The following DENND10 variants were observed in gnomAD, a reference collection of about 807,000 sequenced individuals.
DENND10 encodes the protein DENN domain containing 10, also known as DENN domain-containing protein 10.
In DENND10, 24 loss-of-function variants were observed where a neutral mutation model predicts 43.6. The observed-to-expected ratio is 0.55, with a 90% CI of 0.40 to 0.77. The LOEUF is 0.77. DENND10 is among the 30% of genes least tolerant of loss of function. DENND10 has a pLI of 0.00. For synonymous variants in DENND10, 125 were observed against 157.6 expected (o/e 0.79, Z 1.55); for missense variants, 303 against 429.9 (o/e 0.70, Z 2.61).
chr10:119,136,502 C>T lies in DENND10; in HGVS notation c.929C>T (p.Thr310Ile). The T allele has an allele frequency of 6.2e-7, 1 of 1,602,692 alleles. No homozygotes were observed. Among genetic ancestry groups the T allele is most frequent in the Non-Finnish European group, 8.5e-7 (1 of 1,177,158 alleles). ...DIALKTREIF[T>I]NLAPFSEVSA... is the part of the protein sequence containing the mutation. ...GCTCTAAAAACAAGAGAAATCTTTA[C>T]CAACCTAGCACCGTTTTCAGAAGTT... is the stretch of plus-strand genomic sequence containing the variant. The change falls in exon 9 of 9, where the codon ACC (threonine) becomes ATC (isoleucine). Residue 310 changes from threonine to isoleucine, a missense_variant. By Grantham distance (89) the Thr-to-Ile change is moderately conservative. Coordinates refer to ENST00000361432, the MANE Select transcript of DENND10 (RefSeq NM_207009.4).
At chr10:119,123,684 A>C (rs1589735260) in intron 6 of DENND10, 115 bp downstream of exon 6, 11 of 768,396 alleles carry the variant, frequency 1.4e-5, no homozygotes, top group Non-Finnish European at 1.9e-5. Context: ...ATCTTAGCTC[A>C]CCGCAACGTC....
intron 6 of DENND10, among the ~76,000 whole-genome samples, chr10:119,126,633 T>C (rs112088009): frequency 6.6e-6 from 1 of 152,026 alleles, no homozygotes; most frequent in Non-Finnish European, 1.5e-5. Flanking sequence ...CCTGGCTAAT[T>C]TTTGTATTTT....
At chr10:119,109,800 T>A (rs1396574657) in intron 2 of DENND10, among the ~76,000 whole-genome samples, 1 of 151,812 alleles carries the variant, frequency 6.6e-6, no homozygotes, top group Non-Finnish European at 1.5e-5. Context: ...CTTTTTTTTT[T>A]TTTAACTTCA....
Position 119,108,035 on chromosome 10 carries a change from C to T in DENND10, c.123C>T (p.Asn41=). 6.2e-7 allele frequency: 1 copy of T among 1,613,258 alleles called. No homozygotes were observed. Among genetic ancestry groups the T allele is most frequent in the Non-Finnish European group, 8.5e-7 (1 of 1,179,218 alleles). The change falls in exon 2 of 9, where the codon AAC becomes AAT. Residue 41 remains asparagine, a synonymous_variant. Coordinates refer to ENST00000361432, the MANE Select transcript of DENND10 (RefSeq NM_207009.4). ...CYPSTTATLR[N]LLLRKCCLTD... is the part of the protein sequence containing the mutation. ...CTTCCACGACAGCCACATTAAGGAA[C>T]CTGCTGCTGAGAAAATGCTGCCTTA...
intron 3 of DENND10, among the ~76,000 whole-genome samples, chr10:119,116,972 G>A (rs191815329): frequency 1.3e-5 from 2 of 151,998 alleles, no homozygotes; most frequent in East Asian, 1.9e-4. Context: ...GAGCCACTGC[G>A]CCCGGCTGCT....
chr10:119,108,198 A>G, intron 2 of DENND10, 34 bp downstream of exon 2: 1 of 1,515,834 alleles, frequency 6.6e-7, no homozygotes, highest in Non-Finnish European at 9.1e-7. Context: ...AAAAACCCCA[A>G]AATAGGCTGG....
At chr10:119,130,848 C>A (rs368921077) in intron 7 of DENND10, among the ~76,000 whole-genome samples, 1 of 152,018 alleles carries the variant, frequency 6.6e-6, no homozygotes, top group Non-Finnish European at 1.5e-5. Flanking sequence ...GTGAGTGACC[C>A]GAGAGAGAAA....
chr10:119,130,233 T>C (rs532023470), intron 7 of DENND10, among the ~76,000 whole-genome samples: 6 of 152,230 alleles, frequency 3.9e-5, no homozygotes, highest in African/African-American at 1.4e-4. Flanking sequence ...CGATCTTGGC[T>C]CACTGCAACC....
At chr10:119,107,819 A>G in intron 1 of DENND10, 149 bp from the exon 2 acceptor site, 1 of 705,550 alleles carries the variant, frequency 1.4e-6, no homozygotes, top group Non-Finnish European at 2.6e-6. Flanking sequence ...AGCAGTAGAG[A>G]TAGGTGGGAA....
At chr10:119,112,273 C>A (rs1295439862) in intron 3 of DENND10, among the ~76,000 whole-genome samples, 1 of 152,080 alleles carries the variant, frequency 6.6e-6, no homozygotes, top group East Asian at 1.9e-4. Context: ...ACATGGTAAA[C>A]TGGTTCGTAT....
chr10:119,122,020 A>G (rs1387976585), intron 5 of DENND10, among the ~76,000 whole-genome samples: 1 of 151,786 alleles, frequency 6.6e-6, no homozygotes, highest in African/African-American at 2.4e-5. Flanking sequence ...ATAAAAGATA[A>G]TGTTGGCCGG....
At chr10:119,117,763 C>A in intron 4 of DENND10, 96 bp downstream of exon 4, 2 of 1,197,246 alleles carry the variant, frequency 1.7e-6, no homozygotes, top group South Asian at 2.8e-5. Context: ...GTCAGGAGAT[C>A]GAGACCATCC....
chr10:119,123,607 T>C (rs1166368642), intron 6 of DENND10, 38 bp downstream of exon 6: 14 of 380,876 alleles, frequency 3.7e-5, no homozygotes, highest in East Asian at 2.8e-4. Context: ...CTGTTTCACT[T>C]TTTTTTTTTT....
intron 2 of DENND10, among the ~76,000 whole-genome samples, chr10:119,111,335 G>C (rs1366180528): frequency 6.6e-6 from 1 of 151,236 alleles, no homozygotes; most frequent in Non-Finnish European, 1.5e-5. Flanking sequence ...GTAAAATAAG[G>C]GTTTGGTGGT....
chr10:119,123,676 C>T, intron 6 of DENND10, 107 bp downstream of exon 6: 4 of 822,030 alleles, frequency 4.9e-6, no homozygotes, highest in Non-Finnish European at 5.9e-6. Flanking sequence ...ATGGCACGAT[C>T]TTAGCTCACC....
chr10:119,125,496 G>GCTTTTTT (rs1564795181), intron 6 of DENND10, among the ~76,000 whole-genome samples: 1 of 116,228 alleles, frequency 8.6e-6, no homozygotes, highest in African/African-American at 3.2e-5. Context: ...TCCACTTCTA[G>GCTTTTTT]TTTTCTTTTT....
chr10:119,118,026 C>T (rs1040245852), intron 4 of DENND10, among the ~76,000 whole-genome samples: 2 of 152,040 alleles, frequency 1.3e-5, no homozygotes, highest in Non-Finnish European at 2.9e-5. Flanking sequence ...ACAACAAAAT[C>T]CCCAAGCCAA....
intron 1 of DENND10, chr10:119,105,441 C>A: frequency 1.3e-6 from 1 of 745,082 alleles, no homozygotes; most frequent in Non-Finnish European, 1.8e-6. Flanking sequence ...CGTGCACCAC[C>A]ACCCGATTAA....
At chr10:119,131,192 C>T (rs1040809196) in intron 7 of DENND10, among the ~76,000 whole-genome samples, 2 of 152,218 alleles carry the variant, frequency 1.3e-5, no homozygotes, top group Non-Finnish European at 2.9e-5. Flanking sequence ...GCCATGGTGG[C>T]TCACGCCTGT....
Sources: allele counts gnomAD v4.1 joint callset (sites outside exome capture counted in the v4.1 genomes callset), GRCh38; gene constraint gnomAD v4.1.1; transcripts MANE v1.5; gene names NCBI Gene and HGNC (gene_info 2026-07-23, HGNC 2026-07-21).